The following LDLRAD3 variants were observed in gnomAD, a reference collection of about 807,000 sequenced individuals.
LDLRAD3 encodes low density lipoprotein receptor class A domain containing 3, also known as low-density lipoprotein receptor class A domain-containing protein 3.
LDLRAD3 carries 20 observed loss-of-function variants against 29.4 expected under a neutral mutation model. The observed-to-expected ratio is 0.68, with a 90% confidence interval of 0.48 to 0.99. The LOEUF is 0.99. Ranked by LOEUF, LDLRAD3 falls within the 50% of genes least tolerant of loss-of-function variation. LDLRAD3 has a pLI of 0.00. For missense variants in LDLRAD3, 420 were observed against 454.3 expected (o/e 0.92, Z 0.69); for synonymous variants, 157 against 192.7 (o/e 0.81, Z 1.53).
At chr11:36,080,692 CA>C (rs1853099907) in intron 2 of LDLRAD3, among the ~76,000 whole-genome samples, 1 of 152,136 alleles carries the variant, frequency 6.6e-6, no homozygotes, top group Non-Finnish European at 1.5e-5. Context: ...TGATCATACT[CA>C]TGGCTGTGAT....
rs1471104160 is a variant in LDLRAD3, at chr11:35,944,317, C to T, written c.46+173C>T. Among the ~76,000 whole-genome samples, 2 of 151,670 alleles carry T rather than the reference C, an allele frequency of 1.3e-5. No homozygotes were observed. The highest frequency in any genetic ancestry group is 4.8e-5 in the African/African-American group (2 of 41,476). ...TGGCCCGGACCCTGCCGAGGGGCCG[C>T]CGCGGGGTGCGAGCCGTCCTATTGT... On this transcript the variant is annotated intron_variant, in intron 1 of 5. Coordinates refer to ENST00000315571, the MANE Select transcript of LDLRAD3 (RefSeq NM_174902.4). The surrounding 1 kb of genome is among the most constrained non-coding windows in gnomAD (Gnocchi z 4.9).
intron 4 of LDLRAD3, among the ~76,000 whole-genome samples, chr11:36,141,262 G>C (rs757632316): frequency 6.6e-6 from 1 of 152,116 alleles, no homozygotes; most frequent in Non-Finnish European, 1.5e-5. Context: ...TGGCTAAGTA[G>C]CTTTGTAGCA....
At chr11:35,972,096 C>T (rs1456856535) in intron 1 of LDLRAD3, among the ~76,000 whole-genome samples, 2 of 152,022 alleles carry the variant, frequency 1.3e-5, no homozygotes, top group Non-Finnish European at 2.9e-5. Context: ...TTGGAAAGTA[C>T]TGGCATCTAG....
At position 35,992,481 on chromosome 11, in the gene LDLRAD3, G is replaced by A. The variant is rs117129442; in HGVS notation, c.47-43622G>A. Among the ~76,000 whole-genome samples, 312 of 152,298 alleles carry A rather than the reference G, an allele frequency of 2.0e-3. 10 individuals carry two copies. The East Asian group carries it at 0.046, about 22-fold the overall frequency. On this transcript the variant is annotated intron_variant, in intron 1 of 5. Coordinates refer to ENST00000315571, the MANE Select transcript of LDLRAD3 (RefSeq NM_174902.4). ...TGGATGAATGGATAAATAAAATGTAGTGTATCTATACAATGGGATATTATT... is the reference window on the plus strand; with the variant it reads ...TGGATGAATGGATAAATAAAATGTAATGTATCTATACAATGGGATATTATT...
chr11:35,970,286 G>T (rs1851396011), intron 1 of LDLRAD3, among the ~76,000 whole-genome samples: 1 of 152,182 alleles, frequency 6.6e-6, no homozygotes, highest in African/African-American at 2.4e-5. Flanking sequence ...TTGGACTGGA[G>T]TGGGCCCTAA....
intron 2 of LDLRAD3, among the ~76,000 whole-genome samples, chr11:36,074,685 A>T (rs1003823106): frequency 1.3e-5 from 2 of 152,218 alleles, no homozygotes; most frequent in African/African-American, 4.8e-5. Context: ...CTCTCAGCGT[A>T]GATGGCAAAG....
chr11:36,154,348 CA>C (rs1263105843), intron 4 of LDLRAD3, among the ~76,000 whole-genome samples: 2 of 152,106 alleles, frequency 1.3e-5, no homozygotes, highest in African/African-American at 4.8e-5. Flanking sequence ...TGTTAGTGTC[CA>C]AGAGATGACT....
In LDLRAD3 at chr11:36,154,606, C is replaced by T. The variant is rs139773549; in HGVS notation, c.454+56145C>T. On this transcript the variant is annotated intron_variant, in intron 4 of 5. Coordinates refer to ENST00000315571, the MANE Select transcript of LDLRAD3 (RefSeq NM_174902.4). ...CCTGAACTTAATTGACCAAAAACCC[C>T]GTTATTTTCCCCCATTCCATACTGC... 7.2e-5 allele frequency among the ~76,000 whole-genome samples: 11 copies of T among 152,248 alleles called. No individual in the cohort carries two copies. The East Asian group carries it at 9.7e-4, about 13-fold the overall frequency.
intron 4 of LDLRAD3, among the ~76,000 whole-genome samples, chr11:36,127,636 A>G (rs1853856880): frequency 6.6e-6 from 1 of 152,218 alleles, no homozygotes; most frequent in African/African-American, 2.4e-5. Context: ...CAGTAGGTAA[A>G]GCTATAATGT....
At chr11:36,077,224 A>G (rs115671415) in intron 2 of LDLRAD3, among the ~76,000 whole-genome samples, 193 of 152,174 alleles carry the variant, frequency 1.3e-3, no homozygotes, top group African/African-American at 4.5e-3. Flanking sequence ...TAGATAACCA[A>G]TCTCTTTAGT....
chr11:36,144,451 T>G (rs887924236), intron 4 of LDLRAD3, among the ~76,000 whole-genome samples: 3 of 148,926 alleles, frequency 2.0e-5, no homozygotes, highest in African/African-American at 7.4e-5. Flanking sequence ...GAGGAGTGTC[T>G]CTGCCCGGCC....
At chr11:36,147,511 A>C (rs1854215506) in intron 4 of LDLRAD3, among the ~76,000 whole-genome samples, 1 of 152,172 alleles carries the variant, frequency 6.6e-6, no homozygotes, top group Non-Finnish European at 1.5e-5. Flanking sequence ...ACTCAATTAC[A>C]TCTGCAGAGA....
intron 1 of LDLRAD3, among the ~76,000 whole-genome samples, chr11:36,035,777 T>A (rs1852295820): frequency 6.6e-6 from 1 of 152,220 alleles, no homozygotes; most frequent in Non-Finnish European, 1.5e-5. Flanking sequence ...TTTTAATTTT[T>A]AACCACTGCT....
intron 1 of LDLRAD3, among the ~76,000 whole-genome samples, chr11:35,945,972 ATT>A (rs1851052059): frequency 6.6e-6 from 1 of 152,192 alleles, no homozygotes; most frequent in Non-Finnish European, 1.5e-5. Context: ...TGGGTTTTCC[ATT>A]ATCTGTGGGC....
At chr11:36,137,344 C>T (rs970290470) in intron 4 of LDLRAD3, among the ~76,000 whole-genome samples, 5 of 152,218 alleles carry the variant, frequency 3.3e-5, no homozygotes, top group Admixed American at 2.6e-4. Flanking sequence ...AATTCACATA[C>T]CTACAAGTTC....
chr11:36,001,735 T>C (rs1224915350), intron 1 of LDLRAD3, among the ~76,000 whole-genome samples: 2 of 150,284 alleles, frequency 1.3e-5, no homozygotes, highest in African/African-American at 4.9e-5. Flanking sequence ...GTTGGCATAG[T>C]ATTCTTTCAG....
intron 4 of LDLRAD3, among the ~76,000 whole-genome samples, chr11:36,124,570 T>G (rs1028784486): frequency 2.0e-5 from 3 of 152,126 alleles, no homozygotes; most frequent in Admixed American, 6.5e-5. Flanking sequence ...TCACTGCACC[T>G]GGAGTGAAAT....
intron 4 of LDLRAD3, chr11:36,196,265 C>T (rs1855031297): frequency 6.7e-6 from 1 of 149,238 alleles, no homozygotes; most frequent in African/African-American, 2.5e-5. Flanking sequence ...GGAAAAAGCA[C>T]ACTTTTTTCC....
intron 1 of LDLRAD3, among the ~76,000 whole-genome samples, chr11:35,956,891 A>G (rs532901860): frequency 1.2e-4 from 19 of 152,082 alleles, no homozygotes; most frequent in African/African-American, 4.3e-4. Context: ...GCCCGCCACT[A>G]CGCCCGGCTA....
Sources: gnomAD v4.1 joint callset for allele counts (sites outside exome capture counted in the v4.1 genomes callset) on GRCh38, gnomAD v4.1.1 for gene constraint, Gnocchi (gnomAD v3.1) non-coding constraint, MANE v1.5 for transcripts, NCBI Gene and HGNC (gene_info 2026-07-23, HGNC 2026-07-21) for gene names.